Variants in CAMTA1 observed in about 807,000 individuals in gnomAD.
CAMTA1 encodes calmodulin binding transcription activator 1, also known as calmodulin-binding transcription activator 1.
CAMTA1 carries 27 observed loss-of-function variants against 170.9 expected under a neutral mutation model. That is an observed-to-expected ratio of 0.16 (90% CI 0.12 to 0.22). The LOEUF (loss-of-function observed/expected upper bound fraction) is 0.22. CAMTA1 is among the 10% of genes least tolerant of loss of function. The probability of loss-of-function intolerance (pLI) is 1.00; values close to 1 mark genes in which losing one functional copy is unlikely to be tolerated. For synonymous variants in CAMTA1, 833 were observed against 891.5 expected, an observed-to-expected ratio of 0.93 and a Z score of 1.17; for missense variants, 1,619 against 2,217.2, an observed-to-expected ratio of 0.73 and a Z score of 5.42.
chr1:7,182,899 G>T (rs140041661), intron 4 of CAMTA1, among the ~76,000 whole-genome samples: 1 of 152,312 alleles, frequency 6.6e-6, no homozygotes, highest in Non-Finnish European at 1.5e-5. Flanking sequence ...TAATCTGTCA[G>T]ATTGGCAAAC....
chr1:6,830,039 T>A (rs969361859), intron 3 of CAMTA1, among the ~76,000 whole-genome samples: 11 of 146,778 alleles, frequency 7.5e-5, no homozygotes, highest in East Asian at 1.9e-4. Context: ...TTTATTTATT[T>A]TTTATTTTTT....
At chr1:7,744,326 T>C (rs1353118040) in intron 16 of CAMTA1, among the ~76,000 whole-genome samples, 2 of 151,316 alleles carry the variant, frequency 1.3e-5, no homozygotes, top group Non-Finnish European at 2.9e-5. Context: ...GGGACAGGGT[T>C]TCATCATGTT....
intron 6 of CAMTA1, among the ~76,000 whole-genome samples, chr1:7,528,802 G>GATGAATGAATGAATGA (rs3033702): frequency 2.0e-5 from 3 of 148,372 alleles, no homozygotes; most frequent in Non-Finnish European, 3.0e-5. Context: ...TGAAAGGATG[G>GATGAATGAATGAATGA]ATGAATGAAT....
chr1:7,274,640 T>G (rs2149421089), intron 5 of CAMTA1, among the ~76,000 whole-genome samples: 1 of 152,304 alleles, frequency 6.6e-6, no homozygotes. Context: ...ATATACATTC[T>G]TTTCTTACAC....
chr1:7,316,654 G>T (rs998133996), intron 5 of CAMTA1, among the ~76,000 whole-genome samples: 1 of 152,204 alleles, frequency 6.6e-6, no homozygotes, highest in African/African-American at 2.4e-5. Context: ...CAATCTGCTA[G>T]ACTGGGGGAT....
chr1:7,026,372 G>T (rs1280357112), intron 3 of CAMTA1, among the ~76,000 whole-genome samples: 1 of 152,038 alleles, frequency 6.6e-6, no homozygotes, highest in African/African-American at 2.4e-5. Flanking sequence ...TCCGTGGCAC[G>T]GCCTCATGTG....
intron 1 of CAMTA1, among the ~76,000 whole-genome samples, chr1:6,796,132 C>CTTT (rs978363793): frequency 3.0e-4 from 21 of 70,960 alleles, no homozygotes; most frequent in Non-Finnish European, 4.1e-4. Flanking sequence ...AATAGCATTT[C>CTTT]TTTTTTTTTT....
chr1:7,215,433 G>T (rs1296534225), intron 4 of CAMTA1, among the ~76,000 whole-genome samples: 1 of 152,104 alleles, frequency 6.6e-6, no homozygotes, highest in Non-Finnish European at 1.5e-5. Context: ...TCACTCTGTC[G>T]CCCAGGCTGG....
chr1:6,907,872 C>G (rs181599734), intron 3 of CAMTA1, among the ~76,000 whole-genome samples: 1 of 152,326 alleles, frequency 6.6e-6, no homozygotes, highest in East Asian at 1.9e-4. Context: ...GTTCCAGCCT[C>G]TCCCGCCCCA....
intron 3 of CAMTA1, among the ~76,000 whole-genome samples, chr1:6,913,346 G>T (rs1179343875): frequency 1.3e-5 from 2 of 152,308 alleles, no homozygotes; most frequent in South Asian, 2.1e-4. Flanking sequence ...GACGGTCAGA[G>T]CTCTGCTGAG....
chr1:7,565,455 T>C lies in CAMTA1; in HGVS notation c.511-74945T>C, dbSNP rs950716073. ...CCAGGTCCCTGACCACGTGGTAGAG[T>C]GAAGAGGCCAGGAACAGAGGGCTTG... On this transcript the variant is annotated intron_variant, in intron 6 of 22. Coordinates refer to ENST00000303635, the MANE Select transcript of CAMTA1 (RefSeq NM_015215.4). The surrounding 1 kb of genome is among the most constrained non-coding windows in gnomAD (Gnocchi z 4.5). 1.8e-4 allele frequency among the ~76,000 whole-genome samples: 28 copies of C among 151,908 alleles called. No individual in the cohort carries two copies. Among genetic ancestry groups the C allele is most frequent in the Middle Eastern group, 6.8e-3 (2 of 294 alleles).
At chr1:7,075,201 G>T (rs1639134298) in intron 3 of CAMTA1, among the ~76,000 whole-genome samples, 1 of 152,198 alleles carries the variant, frequency 6.6e-6, no homozygotes, top group Non-Finnish European at 1.5e-5. Flanking sequence ...GGAGTCTTCA[G>T]TGTCCAAGGG....
intron 4 of CAMTA1, among the ~76,000 whole-genome samples, chr1:7,149,437 T>G (rs905129848): frequency 1.3e-5 from 2 of 152,302 alleles, no homozygotes; most frequent in Middle Eastern, 6.8e-3. Context: ...AAAAAATGTG[T>G]GTCCCTCTCC....
In CAMTA1 at chr1:7,197,678, A is replaced by ACACACACACACACACACT. The variant is rs57819326; in HGVS notation, c.303-51813_303-51812insCACACACACACACACACT. ...CACACACACACACACACACACACACAATCTACTTGCTTATTTATCTGCTCA... is the reference window on the plus strand; with the variant it reads ...CACACACACACACACACACACACACACACACACACACACACACTATCTACTTGCTTATTTATCTGCTCA... On this transcript the variant is annotated intron_variant, in intron 4 of 22. Transcript: ENST00000303635. 1.6e-3 allele frequency among the ~76,000 whole-genome samples: 217 copies of ACACACACACACACACACT among 139,222 alleles called. 7 individuals are homozygous for ACACACACACACACACACT. Among genetic ancestry groups the ACACACACACACACACACT allele is most frequent in the Middle Eastern group, 3.8e-3 (1 of 264 alleles). 91.3% of individuals were successfully genotyped at this position (139,222 alleles called of 152,430 possible).
At chr1:7,763,680 A>G (rs1052665467) in intron 22 of CAMTA1, among the ~76,000 whole-genome samples, 2 of 152,248 alleles carry the variant, frequency 1.3e-5, no homozygotes, top group Non-Finnish European at 2.9e-5. Context: ...ATTCTTTGGT[A>G]TGAAACCACA....
In CAMTA1 at chr1:7,109,386, T is replaced by C. The variant is rs149180820; in HGVS notation, c.302+18015T>C. On this transcript the variant is annotated intron_variant, in intron 4 of 22. Coordinates refer to ENST00000303635, the MANE Select transcript of CAMTA1 (RefSeq NM_015215.4). ...AACTGGGAGTTCATCATGGCATCAA[T>C]ACGCACTCTCTGGGTGGCACTGGGC... Among the ~76,000 whole-genome samples the C allele has an allele frequency of 5.9e-3, 906 of 152,302 alleles. 2 individuals are homozygous for C. The highest frequency in any genetic ancestry group is 0.01 in the Middle Eastern group (3 of 294).
At chr1:6,834,938 C>T (rs542809613) in intron 3 of CAMTA1, among the ~76,000 whole-genome samples, 3 of 152,272 alleles carry the variant, frequency 2.0e-5, no homozygotes, top group South Asian at 2.1e-4. Context: ...CGCCCACACT[C>T]GGCCAATTCA....
At chr1:7,568,553 C>T (rs2095077257) in intron 6 of CAMTA1, among the ~76,000 whole-genome samples, 1 of 151,386 alleles carries the variant, frequency 6.6e-6, no homozygotes, top group Non-Finnish European at 1.5e-5. Context: ...ATCATCACCA[C>T]ATCACCATCA....
chr1:7,437,686 A>C (rs2092390910), intron 5 of CAMTA1, among the ~76,000 whole-genome samples: 1 of 152,218 alleles, frequency 6.6e-6, no homozygotes, highest in African/African-American at 2.4e-5. Context: ...CTCCCCTGGG[A>C]AACCTCAGAT....
Sources: gnomAD v4.1 joint callset for allele counts (sites outside exome capture counted in the v4.1 genomes callset) on GRCh38, gnomAD v4.1.1 for gene constraint, Gnocchi (gnomAD v3.1) non-coding constraint, MANE v1.5 for transcripts, NCBI Gene and HGNC (gene_info 2026-07-23, HGNC 2026-07-21) for gene names.